The following MYL12A variants were observed in gnomAD, a reference collection of about 807,000 sequenced individuals.
The protein encoded by MYL12A is myosin regulatory light chain 12A.
MYL12A carries 11 observed loss-of-function variants against 13.3 expected under a neutral mutation model. The ratio of observed to expected loss-of-function variants is 0.83; its 90% CI spans 0.52 to 1.37. The LOEUF (loss-of-function observed/expected upper bound fraction) is 1.37. Among genes scored for constraint, MYL12A ranks in the 40% most tolerant of loss-of-function variants. The pLI, the probability that MYL12A is intolerant of heterozygous loss-of-function variation, is 0.00. For synonymous variants in MYL12A, 51 were observed against 69.9 expected (o/e 0.73, Z 1.35); for missense variants, 146 against 212.3 (o/e 0.69, Z 1.94).
chr18:3,255,561 C>T, intron 3 of MYL12A, 185 bp from the exon 4 acceptor site: 2 of 640,804 alleles, frequency 3.1e-6, no homozygotes, highest in Non-Finnish European at 5.0e-6. Context: ...TGCTGCTAAG[C>T]AGCTAGGCAT....
At chr18:3,251,115 A>G (rs549772027) in intron 1 of MYL12A, among the ~76,000 whole-genome samples, 28 of 151,592 alleles carry the variant, frequency 1.8e-4, no homozygotes, top group African/African-American at 5.3e-4. Flanking sequence ...GAAGAGCTCT[A>G]TATGAGGCCA....
chr18:3,253,763 T>G, intron 2 of MYL12A, 126 bp from the exon 3 acceptor site: 1 of 1,092,112 alleles, frequency 9.2e-7, no homozygotes, highest in Non-Finnish European at 1.3e-6. Context: ...CCAAATAGTT[T>G]CACTCTCATG....
chr18:3,253,451 A>G (rs778234758), intron 2 of MYL12A, 23 bp downstream of exon 2: 6 of 1,604,662 alleles, frequency 3.7e-6, no homozygotes, highest in South Asian at 2.2e-5. Context: ...TTAAATATTA[A>G]TCTATTGGAT....
In MYL12A at chr18:3,256,057, A is replaced by G. The variant is rs2081534825; in HGVS notation, c.*139A>G. The G allele has an allele frequency of 9.1e-7, 1 of 1,094,362 alleles. No individual in the cohort carries two copies. Among genetic ancestry groups the G allele is most frequent in the Non-Finnish European group, 1.3e-6 (1 of 766,978 alleles). The allele number at this position is 1,094,362 out of a possible 1,614,324, so 67.8% of individuals were successfully genotyped here. On this transcript the variant is annotated 3_prime_UTR_variant, in exon 4 of 4. Transcript: ENST00000217652. ...AGCCATTTTGGGCATATGTATCTTT[A>G]TAATCAGACTGGAAACGGGACTTTC...
At chr18:3,254,098 A>G in intron 3 of MYL12A, 48 bp downstream of exon 3, 3 of 1,581,514 alleles carry the variant, frequency 1.9e-6, no homozygotes, top group Non-Finnish European at 2.6e-6. Context: ...ATTTTTAGTT[A>G]TGGTAACTAA....
rs553813125 is a variant in MYL12A at position 3,250,794 on chromosome 18, T to C, written c.-15-2439T>C. Among the ~76,000 whole-genome samples the C allele has an allele frequency of 2.0e-5, 3 of 152,322 alleles. No individual in the cohort carries two copies. The East Asian group carries it at 5.8e-4, about 29-fold the overall frequency. ...CCAATCCCTTAATTACTCAGAAACATCTTTTCTGAACTCACAGCATTTGAT... is the reference window on the plus strand; with the variant it reads ...CCAATCCCTTAATTACTCAGAAACACCTTTTCTGAACTCACAGCATTTGAT... On this transcript the variant is annotated intron_variant, in intron 1 of 3. Coordinates refer to ENST00000217652, the MANE Select transcript of MYL12A (RefSeq NM_006471.4).
chr18:3,255,777 G>A lies in MYL12A; in HGVS notation c.375G>A (p.Leu125=), dbSNP rs538296948. ...TACAGGAAGATTACTTGAGAGAGCT[G>A]CTGACAACCATGGGGGATCGGTTTA... ...GTIQEDYLRE[L]LTTMGDRFTD... is the part of the protein sequence containing the mutation. Residue 125 remains leucine (L), a synonymous_variant, in exon 4 of 4, where the codon CTG becomes CTA. Transcript: ENST00000217652. 3 of 1,613,952 alleles carry A rather than the reference G, an allele frequency of 1.9e-6. No individual in the cohort carries two copies. In the African/African-American group the frequency reaches 4.0e-5, roughly 22 times the overall value.
Position 3,253,220 on chromosome 18 carries a change from C to T in MYL12A, c.-15-13C>T, listed in dbSNP as rs545746575. 5 of 1,577,718 alleles carry T rather than the reference C, an allele frequency of 3.2e-6. No individual in the cohort carries two copies. The highest frequency in any genetic ancestry group is 4.3e-6 in the Non-Finnish European group (5 of 1,159,996). On this transcript the variant is annotated splice_polypyrimidine_tract_variant and intron_variant, in intron 1 of 3. Coordinates refer to ENST00000217652, the MANE Select transcript of MYL12A (RefSeq NM_006471.4). ...GTTGATTTGGTTTTTATTGTATTTC[C>T]TTTCCTAATTAGGACTTAACCACCA...
At chr18:3,255,564 C>G (rs543876815) in intron 3 of MYL12A, 182 bp from the exon 4 acceptor site, 1 of 657,356 alleles carries the variant, frequency 1.5e-6, no homozygotes, top group East Asian at 3.1e-5. Context: ...TGCTAAGCAG[C>G]TAGGCATTTT....
At position 3,256,114 on chromosome 18, in the gene MYL12A, A is replaced by T. The variant is rs7811; in HGVS notation, c.*196A>T. 1.5e-6 allele frequency: 1 copy of T among 685,728 alleles called. No homozygotes were observed. 42.5% of individuals were successfully genotyped at this position (685,728 alleles called of 1,614,324 possible). On this transcript the variant is annotated 3_prime_UTR_variant, in exon 4 of 4. Coordinates refer to ENST00000217652, the MANE Select transcript of MYL12A (RefSeq NM_006471.4). Reference sequence around the variant, plus strand: ...TATCATTTTCAGAATAAAAAATAGGATAATTTAACCTACCAGCCCTTCTCC... The same window carrying T: ...TATCATTTTCAGAATAAAAAATAGGTTAATTTAACCTACCAGCCCTTCTCC...
At chr18:3,250,211 A>C (rs1363024883) in intron 1 of MYL12A, among the ~76,000 whole-genome samples, 1 of 152,294 alleles carries the variant, frequency 6.6e-6, no homozygotes, top group East Asian at 1.9e-4. Flanking sequence ...CTAAAACTTA[A>C]AGTATAATAA....
intron 2 of MYL12A, 80 bp downstream of exon 2, chr18:3,253,508 T>C (rs896919594): frequency 6.6e-7 from 1 of 1,509,138 alleles, no homozygotes; most frequent in Non-Finnish European, 9.1e-7. Context: ...GTCTTAAAGC[T>C]CTGTAAAGCC....
chr18:3,249,961 A>G (rs183952493), intron 1 of MYL12A: 12 of 152,246 alleles, frequency 7.9e-5, no homozygotes, highest in African/African-American at 2.6e-4. Flanking sequence ...GGAGCTTCGT[A>G]ATTTGGAAAC....
chr18:3,253,229 T>C lies in MYL12A; in HGVS notation c.-15-4T>C. On this transcript the variant is annotated splice_polypyrimidine_tract_variant and splice_region_variant and intron_variant, in intron 1 of 3. Transcript: ENST00000217652. ...GTTTTTATTGTATTTCCTTTCCTAA[T>C]TAGGACTTAACCACCACCATGTCGA... is the stretch of plus-strand genomic sequence containing the variant. The C allele has an allele frequency of 6.3e-7, 1 of 1,597,814 alleles. No individual in the cohort carries two copies. Among genetic ancestry groups the C allele is most frequent in the Non-Finnish European group, 8.5e-7 (1 of 1,171,088 alleles).
chr18:3,254,454 C>G (rs2081518058), intron 3 of MYL12A, among the ~76,000 whole-genome samples: 1 of 152,228 alleles, frequency 6.6e-6, no homozygotes, highest in South Asian at 2.1e-4. Context: ...AATCTGACAT[C>G]TAACCTTTAT....
chr18:3,252,196 A>T (rs774912067), intron 1 of MYL12A: 188 of 703,774 alleles, frequency 2.7e-4, no homozygotes, highest in Non-Finnish European at 3.8e-4. Context: ...TAAAATTGTT[A>T]TCCTGGTCAG....
At chr18:3,253,691 A>G (rs1011932882) in intron 2 of MYL12A, 198 bp from the exon 3 acceptor site, 14 of 691,050 alleles carry the variant, frequency 2.0e-5, no homozygotes, top group South Asian at 4.2e-5. Context: ...TGACATTCCA[A>G]TGGACTATCA....
intron 1 of MYL12A, chr18:3,249,382 AAC>A (rs1294545936): frequency 2.0e-5 from 3 of 152,090 alleles, no homozygotes. Flanking sequence ...TCTGAGCTAA[AAC>A]ACAAAATAAA....
chr18:3,251,365 G>C (rs1420179180), intron 1 of MYL12A, among the ~76,000 whole-genome samples: 1 of 152,158 alleles, frequency 6.6e-6, no homozygotes, highest in African/African-American at 2.4e-5. Context: ...TCAGCCGTTT[G>C]ACCTCATCAG....
Sources: allele counts gnomAD v4.1 joint callset (sites outside exome capture counted in the v4.1 genomes callset), GRCh38; gene constraint gnomAD v4.1.1; transcripts MANE v1.5; gene names NCBI Gene and HGNC (gene_info 2026-07-23, HGNC 2026-07-21).